Variants in BTBD9 observed in about 807,000 individuals in gnomAD.
The protein encoded by BTBD9 is BTB/POZ domain-containing protein 9.
BTBD9 carries 49 observed loss-of-function variants against 64.3 expected under a neutral mutation model. The ratio of observed to expected loss-of-function variants is 0.76; its 90% CI spans 0.61 to 0.97. The LOEUF is 0.97. Among genes scored for constraint, BTBD9 ranks in the 50% least tolerant of loss-of-function variants. The pLI, the probability that BTBD9 is intolerant of heterozygous loss-of-function variation, is 0.00. For missense variants in BTBD9, 598 were observed against 762.1 expected (o/e 0.78, Z 2.53); for synonymous variants, 260 against 274.7 (o/e 0.95, Z 0.53).
At chr6:38,246,385 T>C (rs1764202816) in intron 9 of BTBD9, among the ~76,000 whole-genome samples, 1 of 152,180 alleles carries the variant, frequency 6.6e-6, no homozygotes, top group Admixed American at 6.5e-5. Flanking sequence ...AGATGACTTC[T>C]ATAGGGCAAG....
At chr6:38,582,088 G>A (rs188432400) in intron 4 of BTBD9, among the ~76,000 whole-genome samples, 161 of 152,224 alleles carry the variant, frequency 1.1e-3, no homozygotes, top group Admixed American at 2.9e-3. Flanking sequence ...AAATGAAGAT[G>A]AGTAAAGAGA....
At chr6:38,511,413 G>A (rs907932582) in intron 6 of BTBD9, among the ~76,000 whole-genome samples, 3 of 150,594 alleles carry the variant, frequency 2.0e-5, no homozygotes, top group African/African-American at 4.9e-5. Context: ...CATGATCGTG[G>A]GTCACTGCAG....
chr6:38,593,868 T>G, intron 3 of BTBD9, 96 bp downstream of exon 3: 1 of 1,154,842 alleles, frequency 8.7e-7, no homozygotes, highest in Non-Finnish European at 1.2e-6. Context: ...TACCAATGAT[T>G]TTTTTTATTA....
At position 38,222,534 on chromosome 6, in the gene BTBD9, C is replaced by T. The variant is rs375199086; in HGVS notation, c.1563-29937G>A. ...TTGGCCTCCCAAAGTGCTAGGATTA[C>T]AGGCATGAACCACTGCGCCAGACCT... On this transcript the variant is annotated intron_variant, in intron 9 of 10. Transcript: ENST00000481247. 1.3e-4 allele frequency among the ~76,000 whole-genome samples: 20 copies of T among 152,174 alleles called. 1 individual carries two copies. Among genetic ancestry groups the T allele is most frequent in the African/African-American group, 4.8e-4 (20 of 41,516 alleles).
intron 9 of BTBD9, among the ~76,000 whole-genome samples, chr6:38,232,786 A>C (rs1763655682): frequency 6.6e-6 from 1 of 151,582 alleles, no homozygotes; most frequent in Admixed American, 6.6e-5. Context: ...GGCGTGCATC[A>C]CTGCGCCTGG....
rs200008762 is a variant in BTBD9, at chr6:38,626,418, C to CTTGT, written c.-28+13378_-28+13381dup. On this transcript the variant is annotated intron_variant, in intron 1 of 10. Coordinates refer to ENST00000481247, the MANE Select transcript of BTBD9 (RefSeq NM_001099272.2). ...ACTAAGTCTTATTCATTCTTTTTTG[C>CTTGT]TTGTTTGTTTGTTTGTTTGTACCCA... Among the ~76,000 whole-genome samples the CTTGT allele has an allele frequency of 2.4e-3, 366 of 151,914 alleles. 6 individuals are homozygous for CTTGT. In the East Asian group the frequency reaches 0.036, roughly 15 times the overall value.
At chr6:38,267,678 G>T (rs187401422) in intron 8 of BTBD9, among the ~76,000 whole-genome samples, 1 of 152,198 alleles carries the variant, frequency 6.6e-6, no homozygotes, top group African/African-American at 2.4e-5. Context: ...GGTGGCTCAC[G>T]CCTGTAATCC....
Position 38,175,320 on chromosome 6 carries a change from G to A in BTBD9, c.1642-138C>T, listed in dbSNP as rs116296691. 4.3e-5 allele frequency: 34 copies of A among 791,506 alleles called. 1 individual carries two copies. In the East Asian group the frequency reaches 7.7e-4, roughly 18 times the overall value. The allele number at this position is 791,506 out of a possible 1,614,324, so 49.0% of individuals were successfully genotyped here. On this transcript the variant is annotated intron_variant, in intron 10 of 10. Transcript: ENST00000481247. ...AGAGGAGGTCCTTCCCACTGCCCAC[G>A]CCTGCCCCGGCGCAGACACCTGATG...
At chr6:38,323,718 G>A (rs1763318973) in intron 7 of BTBD9, among the ~76,000 whole-genome samples, 1 of 152,174 alleles carries the variant, frequency 6.6e-6, no homozygotes. Flanking sequence ...ATGTTAATTT[G>A]CTTGGCTAAT....
At chr6:38,310,832 A>G (rs562401410) in intron 7 of BTBD9, among the ~76,000 whole-genome samples, 3 of 141,018 alleles carry the variant, frequency 2.1e-5, no homozygotes, top group Admixed American at 7.2e-5. Context: ...GTTTTTTGAG[A>G]CGAAGTCTCG....
chr6:38,225,000 T>G (rs1156640226), intron 9 of BTBD9, among the ~76,000 whole-genome samples: 1 of 152,246 alleles, frequency 6.6e-6, no homozygotes, highest in Non-Finnish European at 1.5e-5. Context: ...GATGGAATTC[T>G]TGCTGGTAGA....
At chr6:38,514,602 G>C (rs1024952742) in intron 6 of BTBD9, among the ~76,000 whole-genome samples, 15 of 152,094 alleles carry the variant, frequency 9.9e-5, no homozygotes, top group African/African-American at 3.6e-4. Flanking sequence ...ATATGTCCTG[G>C]GAGTTCCCAT....
At chr6:38,211,560 TG>T (rs1287635975) in intron 9 of BTBD9, among the ~76,000 whole-genome samples, 1 of 151,936 alleles carries the variant, frequency 6.6e-6, no homozygotes, top group Non-Finnish European at 1.5e-5. Flanking sequence ...CTGGCCAACA[TG>T]GCGAAAGCCC....
chr6:38,386,952 CTT>C (rs1235045503), intron 6 of BTBD9, among the ~76,000 whole-genome samples: 1 of 152,144 alleles, frequency 6.6e-6, no homozygotes, highest in African/African-American at 2.4e-5. Flanking sequence ...CCAATTCACT[CTT>C]GTTACCCAAA....
intron 6 of BTBD9, among the ~76,000 whole-genome samples, chr6:38,459,864 T>C (rs1769992604): frequency 6.6e-6 from 1 of 152,238 alleles, no homozygotes; most frequent in Non-Finnish European, 1.5e-5. Context: ...ATGTAGCCTT[T>C]GATTTTAAAA....
chr6:38,553,243 G>A (rs1405930215), intron 6 of BTBD9, among the ~76,000 whole-genome samples: 5 of 152,140 alleles, frequency 3.3e-5, no homozygotes, highest in Admixed American at 2.6e-4. Flanking sequence ...CAGACCCTAA[G>A]TATGATGAAA....
At chr6:38,552,749 AAAAAG>A (rs1333896284) in intron 6 of BTBD9, among the ~76,000 whole-genome samples, 1 of 150,840 alleles carries the variant, frequency 6.6e-6, no homozygotes, top group Non-Finnish European at 1.5e-5. Flanking sequence ...AAAAGAAAAG[AAAAAG>A]AAAAAAAAAA....
chr6:38,333,961 G>A (rs1399623925), intron 7 of BTBD9, among the ~76,000 whole-genome samples: 2 of 152,170 alleles, frequency 1.3e-5, no homozygotes, highest in East Asian at 3.8e-4. Flanking sequence ...TCTTAGACTT[G>A]TTAAATTGTT....
intron 6 of BTBD9, among the ~76,000 whole-genome samples, chr6:38,513,171 C>A (rs1772850918): frequency 6.6e-6 from 1 of 152,106 alleles, no homozygotes; most frequent in Non-Finnish European, 1.5e-5. Context: ...AAGAAGTGCT[C>A]CTGGCTGGAT....
Sources: gnomAD v4.1 joint callset for allele counts (sites outside exome capture counted in the v4.1 genomes callset) on GRCh38, gnomAD v4.1.1 for gene constraint, MANE v1.5 for transcripts, NCBI Gene and HGNC (gene_info 2026-07-23, HGNC 2026-07-21) for gene names.